Variants in ASTN2 observed in about 807,000 individuals in gnomAD.
ASTN2 encodes astrotactin-2.
In ASTN2, 54 loss-of-function variants were observed where a neutral mutation model predicts 139.8. The observed-to-expected ratio is 0.39, with a 90% CI of 0.31 to 0.48. The LOEUF (loss-of-function observed/expected upper bound fraction) is 0.48. ASTN2 is among the 20% of genes least tolerant of loss of function. ASTN2 has a pLI of 0.95. For synonymous variants in ASTN2, 756 were observed against 719.5 expected (o/e 1.05, Z -0.81); for missense variants, 1,565 against 1,725.1 (o/e 0.91, Z 1.64).
intron 4 of ASTN2, among the ~76,000 whole-genome samples, chr9:117,128,383 A>C (rs1829751293): frequency 1.4e-5 from 2 of 139,434 alleles, no homozygotes; most frequent in African/African-American, 5.8e-5. Flanking sequence ...AAAAAAAAAA[A>C]AAAAAAAAAA....
At position 117,024,591 on chromosome 9, in the gene ASTN2, A is replaced by G. The variant is rs190082851; in HGVS notation, c.1423+15228T>C. ...ATGACAAGATAGACCATTATAATAG[A>G]ACATAATCAGTGTAGTGATAAAGAT... On this transcript the variant is annotated intron_variant, in intron 6 of 22. Coordinates refer to ENST00000313400, the MANE Select transcript of ASTN2 (RefSeq NM_001365068.1). 3.4e-4 allele frequency among the ~76,000 whole-genome samples: 52 copies of G among 152,208 alleles called. 1 individual carries two copies. The South Asian group carries it at 8.3e-3, about 24-fold the overall frequency.
chr9:117,193,639 C>CAAAAAA (rs61700943), intron 3 of ASTN2, among the ~76,000 whole-genome samples: 1 of 106,106 alleles, frequency 9.4e-6, no homozygotes, highest in African/African-American at 3.7e-5. Context: ...ATTCAGTCAC[C>CAAAAAA]AAAAAAAAAA....
chr9:116,979,618 G>A (rs1836451698), intron 7 of ASTN2, among the ~76,000 whole-genome samples: 2 of 152,128 alleles, frequency 1.3e-5, no homozygotes, highest in South Asian at 4.2e-4. Flanking sequence ...AAAAGTCCTG[G>A]GATTTGTCCT....
At chr9:116,956,389 G>A (rs1046735009) in intron 10 of ASTN2, among the ~76,000 whole-genome samples, 6 of 148,838 alleles carry the variant, frequency 4.0e-5, no homozygotes, top group African/African-American at 1.5e-4. Flanking sequence ...ATGAGACACT[G>A]CGCCCAGCCA....
chr9:116,968,390 A>G (rs946453135), intron 10 of ASTN2, among the ~76,000 whole-genome samples: 28 of 152,180 alleles, frequency 1.8e-4, no homozygotes, highest in African/African-American at 6.5e-4. Context: ...GCAGTCACAC[A>G]GGAACATCTG....
intron 19 of ASTN2, chr9:116,612,208 C>A (rs1033724473): frequency 2.6e-5 from 4 of 152,080 alleles, no homozygotes; most frequent in Non-Finnish European, 5.9e-5. Flanking sequence ...ATAGGAGCAC[C>A]CAGATTCATA....
chr9:117,155,020 A>C (rs969217807), intron 3 of ASTN2, among the ~76,000 whole-genome samples: 3 of 151,964 alleles, frequency 2.0e-5, no homozygotes, highest in African/African-American at 7.2e-5. Context: ...ACTCTGAAAT[A>C]CAGGAAGAGG....
intron 10 of ASTN2, among the ~76,000 whole-genome samples, chr9:116,935,659 C>T (rs544827934): frequency 6.6e-6 from 1 of 152,326 alleles, no homozygotes; most frequent in East Asian, 1.9e-4. Flanking sequence ...CATTTCCATC[C>T]TTTACTTGCT....
chr9:117,307,687 C>T (rs1201525726), intron 1 of ASTN2, among the ~76,000 whole-genome samples: 3 of 152,164 alleles, frequency 2.0e-5, no homozygotes, highest in Non-Finnish European at 2.9e-5. Flanking sequence ...CAGACATATG[C>T]ATATGTGCTC....
intron 3 of ASTN2, among the ~76,000 whole-genome samples, chr9:117,202,851 C>T (rs1831773293): frequency 6.6e-6 from 1 of 152,074 alleles, no homozygotes; most frequent in African/African-American, 2.4e-5. Flanking sequence ...ATCATGTTCT[C>T]CGTATTTCCT....
chr9:117,127,409 A>G (rs1486189758), intron 4 of ASTN2, among the ~76,000 whole-genome samples: 3 of 152,180 alleles, frequency 2.0e-5, no homozygotes, highest in Non-Finnish European at 4.4e-5. Flanking sequence ...AATCTTTATA[A>G]CTAGATCACA....
chr9:116,925,168 T>G (rs1834719949), intron 10 of ASTN2, among the ~76,000 whole-genome samples: 1 of 152,158 alleles, frequency 6.6e-6, no homozygotes, highest in South Asian at 2.1e-4. Flanking sequence ...TAACAAAATA[T>G]CAGATATTTT....
intron 1 of ASTN2, among the ~76,000 whole-genome samples, chr9:117,331,604 T>G (rs1226960055): frequency 6.6e-6 from 1 of 152,176 alleles, no homozygotes; most frequent in African/African-American, 2.4e-5. Context: ...AAAGAATTGA[T>G]AAATAAATGG....
chr9:116,875,665 C>CA (rs1833275118), intron 10 of ASTN2, among the ~76,000 whole-genome samples: 1 of 152,112 alleles, frequency 6.6e-6, no homozygotes, highest in Admixed American at 6.6e-5. Context: ...AGCCTGGCTT[C>CA]AAAAATTCAA....
At position 117,045,840 on chromosome 9, in the gene ASTN2, A is replaced by C. The variant is rs141567049; in HGVS notation, c.1277-5875T>G. On this transcript the variant is annotated intron_variant, in intron 5 of 22. Transcript: ENST00000313400. ...TAGGCTGAGAAGTAATTTATTTCTT[A>C]GAGTGGCAAATGGTGTTGTGGTGGG... Among the ~76,000 whole-genome samples the C allele has an allele frequency of 3.0e-4, 45 of 152,268 alleles. 1 individual carries two copies. In the East Asian group the frequency reaches 8.1e-3, roughly 27 times the overall value.
chr9:116,916,198 G>T (rs943891366), intron 10 of ASTN2, among the ~76,000 whole-genome samples: 11 of 152,164 alleles, frequency 7.2e-5, no homozygotes, highest in Admixed American at 1.3e-4. Flanking sequence ...TCATGTTGTT[G>T]TCTGTCCCTG....
chr9:117,372,311 A>G (rs944398619), intron 1 of ASTN2, among the ~76,000 whole-genome samples: 30 of 152,174 alleles, frequency 2.0e-4, no homozygotes, highest in African/African-American at 6.8e-4. Flanking sequence ...AAGAAGGAAG[A>G]AGGAGCCTAA....
chr9:116,660,168 G>A (rs201468428), intron 16 of ASTN2, among the ~76,000 whole-genome samples: 19 of 146,576 alleles, frequency 1.3e-4, no homozygotes, highest in South Asian at 6.7e-4. Context: ...TATTGCAAGC[G>A]CACACACACA....
At chr9:117,136,093 T>C (rs1829944954) in intron 4 of ASTN2, among the ~76,000 whole-genome samples, 1 of 152,176 alleles carries the variant, frequency 6.6e-6, no homozygotes, top group African/African-American at 2.4e-5. Context: ...ATAATACCGA[T>C]AAAAATAAGA....
Sources: gnomAD v4.1 joint callset for allele counts (sites outside exome capture counted in the v4.1 genomes callset) on GRCh38, gnomAD v4.1.1 for gene constraint, MANE v1.5 for transcripts, NCBI Gene and HGNC (gene_info 2026-07-23, HGNC 2026-07-21) for gene names.